NT5DC1: variants seen among roughly 807,000 people sequenced by gnomAD.
NT5DC1 encodes 5'-nucleotidase domain-containing protein 1.
In NT5DC1, 42 loss-of-function variants were observed where a neutral mutation model predicts 59.4. The ratio of observed to expected loss-of-function variants is 0.71; its 90% CI spans 0.55 to 0.92. The LOEUF is 0.92. NT5DC1 is among the 40% of genes least tolerant of loss of function. The pLI is 0.00. For missense variants in NT5DC1, 501 were observed against 537.1 expected (o/e 0.93, Z 0.66); for synonymous variants, 172 against 188.1 (o/e 0.91, Z 0.70).
intron 6 of NT5DC1, among the ~76,000 whole-genome samples, chr6:116,126,696 G>T (rs1218106373): frequency 6.6e-6 from 1 of 152,064 alleles, no homozygotes; most frequent in African/African-American, 2.4e-5. Flanking sequence ...TTCAGTAAAT[G>T]ACTTCAGATT....
chr6:116,236,456 C>T (rs1204548338), intron 8 of NT5DC1, among the ~76,000 whole-genome samples: 1 of 152,172 alleles, frequency 6.6e-6, no homozygotes, highest in East Asian at 1.9e-4. Context: ...GCTTTGGCAT[C>T]AGATAGTCCT....
At chr6:116,146,164 G>A (rs961368971) in intron 6 of NT5DC1, among the ~76,000 whole-genome samples, 3 of 152,196 alleles carry the variant, frequency 2.0e-5, no homozygotes, top group Admixed American at 1.3e-4. Context: ...GGTGTGGTGG[G>A]CAGTTTGAGG....
chr6:116,222,911 G>T, intron 7 of NT5DC1, 123 bp from the exon 8 acceptor site: 1 of 602,944 alleles, frequency 1.7e-6, no homozygotes, highest in South Asian at 2.0e-5. Flanking sequence ...TATAAAGCAT[G>T]TAAAAGTTAG....
chr6:116,235,922 A>T (rs1325461815), intron 8 of NT5DC1, among the ~76,000 whole-genome samples: 2 of 152,224 alleles, frequency 1.3e-5, no homozygotes, highest in African/African-American at 4.8e-5. Flanking sequence ...TTAAGCTTTA[A>T]GACCCCCTCA....
At chr6:116,140,700 C>A (rs1310626712) in intron 6 of NT5DC1, among the ~76,000 whole-genome samples, 1 of 152,078 alleles carries the variant, frequency 6.6e-6, no homozygotes, top group Non-Finnish European at 1.5e-5. Flanking sequence ...GTTTTTCTTG[C>A]ATGTTTTTAA....
chr6:116,207,803 G>GGCTATA (rs1449452853), intron 6 of NT5DC1, among the ~76,000 whole-genome samples: 1 of 151,940 alleles, frequency 6.6e-6, no homozygotes, highest in Non-Finnish European at 1.5e-5. Flanking sequence ...TCCTTGCAGA[G>GGCTATA]GCTATAAAGA....
intron 8 of NT5DC1, among the ~76,000 whole-genome samples, chr6:116,224,501 T>G (rs917952276): frequency 6.6e-6 from 1 of 152,206 alleles, no homozygotes; most frequent in African/African-American, 2.4e-5. Flanking sequence ...GCAGGCCTCC[T>G]TAGAGTGGCT....
Position 116,239,086 on chromosome 6 carries a change from CA to C in NT5DC1, c.1216del (p.Ser406AlafsTer47). The C allele has an allele frequency of 6.2e-7, 1 of 1,612,304 alleles. No individual in the cohort carries two copies. Among genetic ancestry groups the C allele is most frequent in the Non-Finnish European group, 8.5e-7 (1 of 1,178,908 alleles). ...TWSCKRISTY[S>X]TIAIPSIEAI... ...GGTCTTGTAAGAGAATCAGTACTTACAGCACTATTGCAATTCCAAGTATTGA... is the reference window on the plus strand; with the variant it reads ...GGTCTTGTAAGAGAATCAGTACTTACGCACTATTGCAATTCCAAGTATTGA... On this transcript the variant is annotated frameshift_variant, in exon 11 of 12. Transcript: ENST00000319550. LOFTEE classifies it high-confidence loss of function.
chr6:116,156,556 T>C (rs1217579238), intron 6 of NT5DC1, among the ~76,000 whole-genome samples: 1 of 152,186 alleles, frequency 6.6e-6, no homozygotes, highest in African/African-American at 2.4e-5. Context: ...CGATTACATG[T>C]GCTAATTGCA....
rs761718922 is a variant in NT5DC1 at position 116,163,141 on chromosome 6, A to AAAAAAAAAAAT, written c.529+45197_529+45198insAAAAAAAAATA. 1.4e-3 allele frequency among the ~76,000 whole-genome samples: 126 copies of AAAAAAAAAAAT among 88,376 alleles called. 2 individuals are homozygous for AAAAAAAAAAAT. Among genetic ancestry groups the AAAAAAAAAAAT allele is most frequent in the African/African-American group, 4.7e-3 (82 of 17,334 alleles). 58.0% of individuals were successfully genotyped at this position (88,376 alleles called of 152,430 possible). ...GACTCCGTCTCAAAAAAAAAAAAAA[A>AAAAAAAAAAAT]ATATATATATATATATATATATTAG... On this transcript the variant is annotated intron_variant, in intron 6 of 11. Transcript: ENST00000319550.
chr6:116,121,247 G>A, intron 6 of NT5DC1: 1 of 1,613,906 alleles, frequency 6.2e-7, no homozygotes, highest in Non-Finnish European at 8.5e-7. Context: ...TGGGGGCCCA[G>A]CTATTCCTGG....
At chr6:116,132,401 T>G (rs1779492315) in intron 6 of NT5DC1, among the ~76,000 whole-genome samples, 1 of 152,214 alleles carries the variant, frequency 6.6e-6, no homozygotes, top group Admixed American at 6.6e-5. Context: ...GTTCTATAAC[T>G]TAAACCTCTG....
At chr6:116,217,267 T>C (rs1248540804) in intron 6 of NT5DC1, among the ~76,000 whole-genome samples, 9 of 152,210 alleles carry the variant, frequency 5.9e-5, no homozygotes, top group African/African-American at 2.2e-4. Flanking sequence ...CACTTTGGTA[T>C]TATTTCTGTC....
At position 116,220,644 on chromosome 6, in the gene NT5DC1, G is replaced by A. The variant is rs1055973460; in HGVS notation, c.530-410G>A. On this transcript the variant is annotated intron_variant, in intron 6 of 11. Coordinates refer to ENST00000319550, the MANE Select transcript of NT5DC1 (RefSeq NM_152729.3). Reference sequence around the variant, plus strand: ...TATTTATGCAAAAGATGTGATCCTGGTGCAATATCTGAGTGTTGATTTGTT... The same window carrying A: ...TATTTATGCAAAAGATGTGATCCTGATGCAATATCTGAGTGTTGATTTGTT... 2.0e-5 allele frequency among the ~76,000 whole-genome samples: 3 copies of A among 152,136 alleles called. 1 individual carries two copies. Among genetic ancestry groups the A allele is most frequent in the Admixed American group, 1.3e-4 (2 of 15,274 alleles).
intron 6 of NT5DC1, among the ~76,000 whole-genome samples, chr6:116,151,922 G>A (rs1361767318): frequency 2.6e-5 from 4 of 152,150 alleles, no homozygotes; most frequent in African/African-American, 9.7e-5. Flanking sequence ...GGCTTCTGAA[G>A]TTTTATAAGA....
chr6:116,119,144 T>C (rs1779029884), intron 6 of NT5DC1: 1 of 152,620 alleles, frequency 6.6e-6, no homozygotes, highest in South Asian at 2.1e-4. Context: ...GTACAGTGCA[T>C]AAATAAATAA....
chr6:116,201,842 C>T (rs1481686453), intron 6 of NT5DC1, among the ~76,000 whole-genome samples: 1 of 151,984 alleles, frequency 6.6e-6, no homozygotes, highest in Non-Finnish European at 1.5e-5. Context: ...ATTGCCTCTA[C>T]TTTTTTAAAT....
intron 8 of NT5DC1, among the ~76,000 whole-genome samples, chr6:116,235,889 A>C (rs756060931): frequency 2.2e-4 from 27 of 124,884 alleles, no homozygotes; most frequent in Non-Finnish European, 3.4e-4. Flanking sequence ...TCCAGGGTTG[A>C]TTTACAATAA....
rs1285277960 is a variant in NT5DC1 at position 116,245,711 on chromosome 6, G to A, written c.*1687G>A. On this transcript the variant is annotated 3_prime_UTR_variant, in exon 12 of 12. Coordinates refer to ENST00000319550, the MANE Select transcript of NT5DC1 (RefSeq NM_152729.3). ...CCTTATCCATGTTTACTCTGTAAAT[G>A]GCAAATAATACATCTTTAAATGCTT... 5 of 152,060 alleles carry A rather than the reference G, an allele frequency of 3.3e-5. No homozygotes were observed. Among genetic ancestry groups the A allele is most frequent in the Non-Finnish European group, 7.4e-5 (5 of 68,002 alleles). The allele number at this position is 152,060 out of a possible 1,614,324, so 9.4% of individuals were successfully genotyped here. A position where few individuals can be genotyped will look rare whatever the true frequency, so the allele number is the denominator to read the frequency against.
Sources: gnomAD v4.1 joint callset for allele counts (sites outside exome capture counted in the v4.1 genomes callset) on GRCh38, gnomAD v4.1.1 for gene constraint, MANE v1.5 for transcripts, NCBI Gene and HGNC (gene_info 2026-07-23, HGNC 2026-07-21) for gene names.